Variants in RNF227 observed in about 807,000 individuals in gnomAD.
RNF227 encodes the protein ring finger protein 227.
RNF227 carries 8 observed loss-of-function variants against 4.9 expected under a neutral mutation model. The ratio of observed to expected loss-of-function variants is 1.65; its 90% CI spans 0.97 to 2.98. The LOEUF (loss-of-function observed/expected upper bound fraction) is 2.98, where lower values mean the gene tolerates loss of function less well. Among genes scored for constraint, RNF227 ranks in the 30% most tolerant of loss-of-function variants. RNF227 has a pLI of 0.00. For synonymous variants in RNF227, 63 were observed against 28.1 expected, an observed-to-expected ratio of 2.25 and a Z score of -3.94; for missense variants, 136 against 65.4, an observed-to-expected ratio of 2.08 and a Z score of -3.72.
Position 7,915,809 on chromosome 17 carries a change from T to C in RNF227, c.387A>G (p.Gly129=), listed in dbSNP as rs1659449587. The change falls in exon 1 of 2, where the codon GGA becomes GGG. Residue 129 remains glycine (G), a synonymous_variant. Coordinates refer to ENST00000324348, the MANE Select transcript of RNF227 (RefSeq NM_001358699.2). ...NPAKESSDAD[G]EAEEEGESEK... ...CGCTCTCCCCTTCTTCCTCCGCCTC[T>C]CCGTCAGCGTCGCTGCTTTCCTTGG... is the stretch of plus-strand genomic sequence containing the variant. 1.4e-6 allele frequency: 1 copy of C among 702,746 alleles called. No individual in the cohort carries two copies. Among genetic ancestry groups the C allele is most frequent in the Non-Finnish European group, 2.6e-6 (1 of 384,764 alleles). 43.5% of individuals were successfully genotyped at this position (702,746 alleles called of 1,614,324 possible). A position where few individuals can be genotyped will look rare whatever the true frequency, so the allele number is the denominator to read the frequency against.
In RNF227 at chr17:7,916,198, T is replaced by C; in HGVS notation, c.-3A>G. On this transcript the variant is annotated 5_prime_UTR_variant, in exon 1 of 2. Transcript: ENST00000324348. Reference sequence around the variant, plus strand: ...GGTACCCTCACCAAGAGCTGCATCGTGCCCGCCGCGGACTCGAGGACGTCG... The same window carrying C: ...GGTACCCTCACCAAGAGCTGCATCGCGCCCGCCGCGGACTCGAGGACGTCG... 1 of 392,780 alleles carries C rather than the reference T, an allele frequency of 2.5e-6. No homozygotes were observed. Among genetic ancestry groups the C allele is most frequent in the Admixed American group, 4.4e-5 (1 of 22,552 alleles). 24.3% of individuals were successfully genotyped at this position (392,780 alleles called of 1,614,324 possible).
Position 7,915,136 on chromosome 17 carries a change from A to C in RNF227, c.*386T>G. 1 of 354,270 alleles carries C rather than the reference A, an allele frequency of 2.8e-6. No individual in the cohort carries two copies. Among genetic ancestry groups the C allele is most frequent in the South Asian group, 2.4e-5 (1 of 42,026 alleles). The allele number at this position is 354,270 out of a possible 1,614,324, so 21.9% of individuals were successfully genotyped here. ...CTCTTCTCTCCCGTTCCATCTTAAA[A>C]AAAAAAAAAATTCAAACCATTGACA... On this transcript the variant is annotated 3_prime_UTR_variant, in exon 2 of 2. Transcript: ENST00000324348.
Position 7,915,700 on chromosome 17 carries a change from G to C in RNF227, c.496C>G (p.Arg166Gly), listed in dbSNP as rs1036492969. 1.4e-6 allele frequency: 1 copy of C among 701,434 alleles called. No individual in the cohort carries two copies. Among genetic ancestry groups the C allele is most frequent in the Non-Finnish European group, 2.6e-6 (1 of 383,926 alleles). 43.5% of individuals were successfully genotyped at this position (701,434 alleles called of 1,614,324 possible). A position where few individuals can be genotyped will look rare whatever the true frequency, so the allele number is the denominator to read the frequency against. Residue 166 changes from arginine to glycine, a missense_variant, in exon 1 of 2, where the codon CGG (arginine) becomes GGG (glycine). Transcript: ENST00000324348. ...DRVLGPARRW[R>G]RPLPSNVLYC... ...TCACCGTTGCTAGGCAGCGGACGCC[G>C]CCAGCGCCGCGCAGGCCCCAGGACC... is the stretch of plus-strand genomic sequence containing the variant.
intron 1 of RNF227, 36 bp from the exon 2 acceptor site, chr17:7,915,613 C>T: frequency 1.4e-6 from 1 of 702,982 alleles, no homozygotes; most frequent in Non-Finnish European, 2.6e-6. Flanking sequence ...GCAGCAGGAG[C>T]ATGCCAACGA....
At chr17:7,915,603 G>C in intron 1 of RNF227, 26 bp from the exon 2 acceptor site, 1 of 703,058 alleles carries the variant, frequency 1.4e-6, no homozygotes, top group African/African-American at 1.7e-5. Context: ...AGGGTTAGTG[G>C]CAGCAGGAGC....
At position 7,915,152 on chromosome 17, in the gene RNF227, A is replaced by T. The variant is rs554276436; in HGVS notation, c.*370T>A. Reference sequence around the variant, plus strand: ...CATCTTAAAAAAAAAAAAAATTCAAACCATTGACAAAGAATTGCTAAAATG... The same window carrying T: ...CATCTTAAAAAAAAAAAAAATTCAATCCATTGACAAAGAATTGCTAAAATG... On this transcript the variant is annotated 3_prime_UTR_variant, in exon 2 of 2. Coordinates refer to ENST00000324348, the MANE Select transcript of RNF227 (RefSeq NM_001358699.2). 2 of 365,612 alleles carry T rather than the reference A, an allele frequency of 5.5e-6. No individual in the cohort carries two copies. Among genetic ancestry groups the T allele is most frequent in the East Asian group, 6.9e-5 (1 of 14,518 alleles). The allele number at this position is 365,612 out of a possible 1,614,324, so 22.6% of individuals were successfully genotyped here.
rs534821583 is a variant in RNF227 at position 7,914,557 on chromosome 17, C to CAA, written c.*963_*964dup. On this transcript the variant is annotated 3_prime_UTR_variant, in exon 2 of 2. Coordinates refer to ENST00000324348, the MANE Select transcript of RNF227 (RefSeq NM_001358699.2). ...GTGAGACTCTGGCTCAAAACAAAAA[C>CAA]AAAAAAACAAAAAACCCTGCCAGAG... 6.6e-6 allele frequency: 1 copy of CAA among 151,894 alleles called. No homozygotes were observed. The highest frequency in any genetic ancestry group is 6.6e-5 in the Admixed American group (1 of 15,254). The allele number at this position is 151,894 out of a possible 1,614,324, so 9.4% of individuals were successfully genotyped here. A position where few individuals can be genotyped will look rare whatever the true frequency, so the allele number is the denominator to read the frequency against.
Position 7,915,476 on chromosome 17 carries a change from G to A in RNF227, c.*46C>T. ...TAGTCTTGACATCAGCCCCCGCGAG[G>A]CTGCAGCTCCCACCTTCCTTCGGCT... On this transcript the variant is annotated 3_prime_UTR_variant, in exon 2 of 2. Coordinates refer to ENST00000324348, the MANE Select transcript of RNF227 (RefSeq NM_001358699.2). The A allele has an allele frequency of 1.4e-6, 1 of 702,982 alleles. No homozygotes were observed. The highest frequency in any genetic ancestry group is 2.6e-6 in the Non-Finnish European group (1 of 384,998). The allele number at this position is 702,982 out of a possible 1,614,324, so 43.5% of individuals were successfully genotyped here. A position where few individuals can be genotyped will look rare whatever the true frequency, so the allele number is the denominator to read the frequency against.
Position 7,915,665 on chromosome 17 carries a change from G to GGGCAGCCCCTCACCGTTGCTA in RNF227, c.510_517+13dup, listed in dbSNP as rs1567886552. The GGGCAGCCCCTCACCGTTGCTA allele has an allele frequency of 4.3e-6, 3 of 702,018 alleles. No homozygotes were observed. Among genetic ancestry groups the GGGCAGCCCCTCACCGTTGCTA allele is most frequent in the South Asian group, 3.0e-5 (2 of 67,578 alleles). The allele number at this position is 702,018 out of a possible 1,614,324, so 43.5% of individuals were successfully genotyped here. A position where few individuals can be genotyped will look rare whatever the true frequency, so the allele number is the denominator to read the frequency against. ...GCGCTCTCTCCCCTGCATCCTCCCC[G>GGGCAGCCCCTCACCGTTGCTA]GGCAGCCCCTCACCGTTGCTAGGCA... On this transcript the variant is annotated intron_variant, in intron 1 of 1. Coordinates refer to ENST00000324348, the MANE Select transcript of RNF227 (RefSeq NM_001358699.2).
Position 7,916,171 on chromosome 17 carries a change from A to T in RNF227, c.25T>A (p.Ser9Thr), listed in dbSNP as rs1023530947. 3.8e-5 allele frequency: 15 copies of T among 395,968 alleles called. No individual in the cohort carries two copies. Among genetic ancestry groups the T allele is most frequent in the African/African-American group, 6.2e-5 (3 of 48,492 alleles). The allele number at this position is 395,968 out of a possible 1,614,324, so 24.5% of individuals were successfully genotyped here. ...TCCAGCTCGCCCCGCTCCGGAAGAG[A>T]GGGTACCCTCACCAAGAGCTGCATC... Reference protein sequence around the residue: MQLLVRVPSLPERGELDCN... With the variant: MQLLVRVPTLPERGELDCN... Residue 9 changes from serine (S) to threonine (T), a missense_variant, in exon 1 of 2, where the codon TCT becomes ACT. Transcript: ENST00000324348.
rs569176590 is a variant in RNF227 at position 7,915,525 on chromosome 17, C to T, written c.570G>A (p.Leu190=). 16 of 703,118 alleles carry T rather than the reference C, an allele frequency of 2.3e-5. No individual in the cohort carries two copies. The highest frequency in any genetic ancestry group is 3.6e-5 in the Non-Finnish European group (14 of 385,030). 43.6% of individuals were successfully genotyped at this position (703,118 alleles called of 1,614,324 possible). A position where few individuals can be genotyped will look rare whatever the true frequency, so the allele number is the denominator to read the frequency against. Residue 190 remains leucine, a synonymous_variant, in exon 2 of 2, where the codon TTG becomes TTA. Transcript: ENST00000324348. ...CTGTAGCTTCCGAGTTCCTCGGTTACAACGTGCAACGGGTCAGGTGGCCAA... is the reference window on the plus strand; with the variant it reads ...CTGTAGCTTCCGAGTTCCTCGGTTATAACGTGCAACGGGTCAGGTGGCCAA... The part of the protein sequence containing the change: ...KDIGHLTRCT[L]
rs1971929041 is a variant in RNF227 at position 7,914,180 on chromosome 17, TAA to T, written c.*1340_*1341del. ...ATTCTACCTACAGATGGTGATATCC[TAA>T]AGAGTGTAGGATCTAGACCAATGGT... On this transcript the variant is annotated 3_prime_UTR_variant, in exon 2 of 2. Coordinates refer to ENST00000324348, the MANE Select transcript of RNF227 (RefSeq NM_001358699.2). 1 of 152,034 alleles carries T rather than the reference TAA, an allele frequency of 6.6e-6. No individual in the cohort carries two copies. 9.4% of individuals were successfully genotyped at this position (152,034 alleles called of 1,614,324 possible).
At position 7,914,590 on chromosome 17, in the gene RNF227, C is replaced by G. The variant is rs1365207642; in HGVS notation, c.*932G>C. ...CAAAAAACCCTGCCAGAGTCTGATT[C>G]AGGAAGTCTGGAGTGGGATCCTAGA... On this transcript the variant is annotated 3_prime_UTR_variant, in exon 2 of 2. Coordinates refer to ENST00000324348, the MANE Select transcript of RNF227 (RefSeq NM_001358699.2). The G allele has an allele frequency of 6.6e-6, 1 of 152,194 alleles. No individual in the cohort carries two copies. Among genetic ancestry groups the G allele is most frequent in the African/African-American group, 2.4e-5 (1 of 41,432 alleles). 9.4% of individuals were successfully genotyped at this position (152,194 alleles called of 1,614,324 possible). A position where few individuals can be genotyped will look rare whatever the true frequency, so the allele number is the denominator to read the frequency against.
chr17:7,915,177 G>C lies in RNF227; in HGVS notation c.*345C>G. 2.4e-6 allele frequency: 1 copy of C among 415,532 alleles called. No individual in the cohort carries two copies. The highest frequency in any genetic ancestry group is 3.7e-5 in the Admixed American group (1 of 27,196). 25.7% of individuals were successfully genotyped at this position (415,532 alleles called of 1,614,324 possible). Reference sequence around the variant, plus strand: ...ACCATTGACAAAGAATTGCTAAAATGGGACCTGTTGCTCCCACACACCAGA... The same window carrying C: ...ACCATTGACAAAGAATTGCTAAAATCGGACCTGTTGCTCCCACACACCAGA... On this transcript the variant is annotated 3_prime_UTR_variant, in exon 2 of 2. Coordinates refer to ENST00000324348, the MANE Select transcript of RNF227 (RefSeq NM_001358699.2).
rs1009843967 is a variant in RNF227 at position 7,916,258 on chromosome 17, A to G, written c.-63T>C. On this transcript the variant is annotated 5_prime_UTR_variant, in exon 1 of 2. Transcript: ENST00000324348. ...CCAGCTCCGTGAACAGAACGAGCAC[A>G]CTCTCCTGGGGCCGGGTCGGGTCCT... The G allele has an allele frequency of 5.2e-5, 19 of 366,514 alleles. No individual in the cohort carries two copies. The highest frequency in any genetic ancestry group is 1.4e-3 in the Middle Eastern group (2 of 1,442). 22.7% of individuals were successfully genotyped at this position (366,514 alleles called of 1,614,324 possible). A position where few individuals can be genotyped will look rare whatever the true frequency, so the allele number is the denominator to read the frequency against.
rs780590032 is a variant in RNF227, at chr17:7,913,357, AT to A, written c.*2164del. ...TAAGAGATAAAGCCAACAAATATTTATTGAGTACATACTATACAGTAACACT... is the reference window on the plus strand; with the variant it reads ...TAAGAGATAAAGCCAACAAATATTTATGAGTACATACTATACAGTAACACT... On this transcript the variant is annotated 3_prime_UTR_variant, in exon 2 of 2. Coordinates refer to ENST00000324348, the MANE Select transcript of RNF227 (RefSeq NM_001358699.2). 1 of 152,204 alleles carries A rather than the reference AT, an allele frequency of 6.6e-6. No homozygotes were observed. The highest frequency in any genetic ancestry group is 1.5e-5 in the Non-Finnish European group (1 of 68,040). The allele number at this position is 152,204 out of a possible 1,614,324, so 9.4% of individuals were successfully genotyped here.
rs190184907 is a variant in RNF227, at chr17:7,914,961, G to A, written c.*561C>T. On this transcript the variant is annotated 3_prime_UTR_variant, in exon 2 of 2. Coordinates refer to ENST00000324348, the MANE Select transcript of RNF227 (RefSeq NM_001358699.2). ...TACCTGCCCTAGCAGGTTGAAGGGA[G>A]ATTCTGAAATGAAGCAAGGCTCCTA... 1 of 179,716 alleles carries A rather than the reference G, an allele frequency of 5.6e-6. No individual in the cohort carries two copies. Among genetic ancestry groups the A allele is most frequent in the Non-Finnish European group, 1.2e-5 (1 of 83,662 alleles). The allele number at this position is 179,716 out of a possible 1,614,324, so 11.1% of individuals were successfully genotyped here.
In RNF227 at chr17:7,914,776, A is replaced by T. The variant is rs1401416295; in HGVS notation, c.*746T>A. ...AAATTTTAAAGACACTTAAAATTGTATAAGTATCTTTTCAGTAGCGCTAGT... is the reference window on the plus strand; with the variant it reads ...AAATTTTAAAGACACTTAAAATTGTTTAAGTATCTTTTCAGTAGCGCTAGT... On this transcript the variant is annotated 3_prime_UTR_variant, in exon 2 of 2. Coordinates refer to ENST00000324348, the MANE Select transcript of RNF227 (RefSeq NM_001358699.2). 2.0e-5 allele frequency: 3 copies of T among 152,710 alleles called. No individual in the cohort carries two copies. In the East Asian group the frequency reaches 5.8e-4, roughly 29 times the overall value. 9.5% of individuals were successfully genotyped at this position (152,710 alleles called of 1,614,324 possible).
At position 7,915,382 on chromosome 17, in the gene RNF227, C is replaced by T. The variant is rs1295279582; in HGVS notation, c.*140G>A. 1 of 701,754 alleles carries T rather than the reference C, an allele frequency of 1.4e-6. No homozygotes were observed. Among genetic ancestry groups the T allele is most frequent in the South Asian group, 1.5e-5 (1 of 66,758 alleles). The allele number at this position is 701,754 out of a possible 1,614,324, so 43.5% of individuals were successfully genotyped here. A position where few individuals can be genotyped will look rare whatever the true frequency, so the allele number is the denominator to read the frequency against. On this transcript the variant is annotated 3_prime_UTR_variant, in exon 2 of 2. Coordinates refer to ENST00000324348, the MANE Select transcript of RNF227 (RefSeq NM_001358699.2). ...CTCCCCAACTCAGCATCAACACCTC[C>T]CAGGGCGTTCCCTCCTGCCTTCGGC...
Sources: allele counts gnomAD v4.1 joint callset, GRCh38; gene constraint gnomAD v4.1.1; transcripts MANE v1.5; gene names NCBI Gene and HGNC (gene_info 2026-07-23, HGNC 2026-07-21).